Variants in ANKRD11 observed in about 807,000 individuals in gnomAD.
ANKRD11 encodes the protein ankyrin repeat domain 11.
ANKRD11 carries 17 observed loss-of-function variants against 195.7 expected under a neutral mutation model. The ratio of observed to expected loss-of-function variants is 0.09; its 90% confidence interval spans 0.06 to 0.13. The LOEUF (loss-of-function observed/expected upper bound fraction) is 0.13, where lower values mean the gene tolerates loss of function less well. Ranked by LOEUF, ANKRD11 falls within the 10% of genes least tolerant of loss-of-function variation. The probability of loss-of-function intolerance (pLI) is 1.00; values close to 1 mark genes in which losing one functional copy is unlikely to be tolerated. For synonymous variants in ANKRD11, 1,953 were observed against 1,528.1 expected, an observed-to-expected ratio of 1.28 and a Z score of -6.49; for missense variants, 3,735 against 3,566.1, an observed-to-expected ratio of 1.05 and a Z score of -1.21.
At chr16:89,424,315 C>A (rs2042630789) in intron 1 of ANKRD11, among the ~76,000 whole-genome samples, 1 of 152,086 alleles carries the variant, frequency 6.6e-6, no homozygotes, top group African/African-American at 2.4e-5. Context: ...GTGGCGCATG[C>A]CTGTAATCCC....
chr16:89,313,727 G>A, intron 3 of ANKRD11: 4 of 583,482 alleles, frequency 6.9e-6, no homozygotes, highest in Non-Finnish European at 8.2e-6. Context: ...TCTGGCACTT[G>A]GGGCTCACTT....
At position 89,282,000 on chromosome 16, in the gene ANKRD11, G is replaced by T; in HGVS notation, c.4542C>A (p.Leu1514=). Residue 1514 remains leucine, a synonymous_variant, in exon 9 of 13, where the codon CTC becomes CTA. Transcript: ENST00000301030. This position sits in a 1 kb window ranked among gnomAD's most constrained non-coding sequence, Gnocchi z 5.5. ...GGCCCTCGTCCCTGGACTTGTCTTT[G>T]AGCACGCGGGGCGGGCTGTCCTTGT... ...TRDKDSPPRV[L]KDKSRDEGPR... 6.2e-7 allele frequency: 1 copy of T among 1,613,062 alleles called. No individual in the cohort carries two copies. The highest frequency in any genetic ancestry group is 1.1e-5 in the South Asian group (1 of 91,078).
chr16:89,449,198 A>G (rs555118333), intron 1 of ANKRD11, among the ~76,000 whole-genome samples: 35 of 151,934 alleles, frequency 2.3e-4, no homozygotes, highest in African/African-American at 7.2e-4. Flanking sequence ...AAAAAAAAAA[A>G]AAAAAAGAAA....
Position 89,270,737 on chromosome 16 carries a change from CA to C in ANKRD11, c.7806+79del, listed in dbSNP as rs5818705. The C allele has an allele frequency of 2.9e-3, 4,081 of 1,417,024 alleles. 106 individuals carry two copies. In the African/African-American group the frequency reaches 0.05, roughly 17 times the overall value. The allele number at this position is 1,417,024 out of a possible 1,614,324, so 87.8% of individuals were successfully genotyped here. ...GGCAGCGGCCTCCCCCCAGGCAGCGCAAAGGGGGTTGTCACCACCCATCACA... is the reference window on the plus strand; with the variant it reads ...GGCAGCGGCCTCCCCCCAGGCAGCGCAAGGGGGTTGTCACCACCCATCACA... On this transcript the variant is annotated intron_variant, in intron 12 of 12. Coordinates refer to ENST00000301030, the MANE Select transcript of ANKRD11 (RefSeq NM_013275.6).
intron 1 of ANKRD11, among the ~76,000 whole-genome samples, chr16:89,479,139 T>C (rs970873083): frequency 3.3e-5 from 5 of 151,906 alleles, no homozygotes; most frequent in African/African-American, 9.7e-5. Flanking sequence ...CGCCACCACC[T>C]ACCCCACAAC....
intron 2 of ANKRD11, among the ~76,000 whole-genome samples, chr16:89,374,380 T>C (rs2040328736): frequency 6.6e-6 from 1 of 151,920 alleles, no homozygotes; most frequent in African/African-American, 2.4e-5. Flanking sequence ...CCTGTTTACA[T>C]AAAATCTATG....
rs71134220 is a variant in ANKRD11, at chr16:89,415,829, C to CAAAAAAAAAAAAAAAA, written c.-60+2439_-60+2454dup. ...TGCACAACAAAGCTAGACTCTGTCTCAAAAAAAAAAAAAAAAAAAAACAAT... is the reference window on the plus strand; with the variant it reads ...TGCACAACAAAGCTAGACTCTGTCTCAAAAAAAAAAAAAAAAAAAAAAAAAAAAAAAAAAAAACAAT... On this transcript the variant is annotated intron_variant, in intron 2 of 12. Coordinates refer to ENST00000301030, the MANE Select transcript of ANKRD11 (RefSeq NM_013275.6). 8.1e-3 allele frequency among the ~76,000 whole-genome samples: 320 copies of CAAAAAAAAAAAAAAAA among 39,662 alleles called. 10 individuals are homozygous for CAAAAAAAAAAAAAAAA. Among genetic ancestry groups the CAAAAAAAAAAAAAAAA allele is most frequent in the Middle Eastern group, 0.045 (2 of 44 alleles). The allele number at this position is 39,662 out of a possible 152,430, so 26.0% of individuals were successfully genotyped here.
chr16:89,423,372 G>C (rs1228211344), intron 1 of ANKRD11, among the ~76,000 whole-genome samples: 5 of 152,256 alleles, frequency 3.3e-5, no homozygotes, highest in Non-Finnish European at 5.9e-5. Flanking sequence ...AGTCACACCA[G>C]CCTGTCTCAG....
Position 89,381,174 on chromosome 16 carries a change from T to C in ANKRD11, c.-60+37110A>G, listed in dbSNP as rs148310071. On this transcript the variant is annotated intron_variant, in intron 2 of 12. Transcript: ENST00000301030. ...CCTATTTCTACTGAAAATTAAAAAA[T>C]AAAAATAATAAGCTGGGCATGGTGG... 4.3e-3 allele frequency among the ~76,000 whole-genome samples: 647 copies of C among 151,534 alleles called. 5 individuals carry two copies. The highest frequency in any genetic ancestry group is 6.2e-3 in the Non-Finnish European group (419 of 67,884).
intron 2 of ANKRD11, among the ~76,000 whole-genome samples, chr16:89,334,778 C>T (rs1597688062): frequency 6.6e-6 from 1 of 152,112 alleles, no homozygotes; most frequent in African/African-American, 2.4e-5. Flanking sequence ...GCAAAAAGCC[C>T]ACCCACGTGT....
intron 2 of ANKRD11, among the ~76,000 whole-genome samples, chr16:89,334,245 C>A (rs1013760708): frequency 6.6e-6 from 1 of 151,426 alleles, no homozygotes; most frequent in African/African-American, 2.4e-5. Context: ...TGATGCCTGG[C>A]CTAGCCCTCA....
intron 2 of ANKRD11, among the ~76,000 whole-genome samples, chr16:89,356,959 C>G (rs1224587399): frequency 6.6e-6 from 1 of 152,220 alleles, no homozygotes; most frequent in Non-Finnish European, 1.5e-5. Flanking sequence ...CCCAAGTGAC[C>G]TGTGACCATC....
intron 2 of ANKRD11, among the ~76,000 whole-genome samples, chr16:89,379,975 C>A (rs1264758401): frequency 1.3e-5 from 2 of 152,208 alleles, no homozygotes; most frequent in African/African-American, 4.8e-5. Context: ...ATTTACCAAA[C>A]ACTATTTTCT....
chr16:89,293,135 C>T lies in ANKRD11; in HGVS notation c.227-1952G>A, dbSNP rs75834120. Among the ~76,000 whole-genome samples the T allele has an allele frequency of 3.3e-4, 51 of 152,316 alleles. 1 individual carries two copies. Among genetic ancestry groups the T allele is most frequent in the African/African-American group, 1.1e-3 (45 of 41,564 alleles). On this transcript the variant is annotated intron_variant, in intron 4 of 12. Coordinates refer to ENST00000301030, the MANE Select transcript of ANKRD11 (RefSeq NM_013275.6). The stretch of plus-strand genomic sequence containing the variant: ...CTCTGCAGGGCCCTGATCCCCAAGA[C>T]CTAGCCACGCACATTCAGAGGCCTG...
At chr16:89,423,635 G>A (rs2042602385) in intron 1 of ANKRD11, among the ~76,000 whole-genome samples, 1 of 152,326 alleles carries the variant, frequency 6.6e-6, no homozygotes, top group Non-Finnish European at 1.5e-5. Flanking sequence ...TCAAACATGT[G>A]AGCCCACCAT....
intron 1 of ANKRD11, among the ~76,000 whole-genome samples, chr16:89,428,994 A>T (rs2042850801): frequency 6.6e-6 from 1 of 152,210 alleles, no homozygotes; most frequent in African/African-American, 2.4e-5. Context: ...ACAGCCCAAC[A>T]TCTAAGATGC....
At chr16:89,317,795 T>C (rs903675661) in intron 2 of ANKRD11, among the ~76,000 whole-genome samples, 1 of 152,186 alleles carries the variant, frequency 6.6e-6, no homozygotes, top group Non-Finnish European at 1.5e-5. Flanking sequence ...TTAGGAAATT[T>C]TGCCATCTTA....
intron 2 of ANKRD11, among the ~76,000 whole-genome samples, chr16:89,366,568 G>C (rs144766541): frequency 1.3e-5 from 2 of 152,266 alleles, no homozygotes; most frequent in African/African-American, 2.4e-5. Flanking sequence ...CAGTTTTCAC[G>C]ATCAGCTGGT....
In ANKRD11 at chr16:89,301,007, G is replaced by A. The variant is rs985091049; in HGVS notation, c.226+4199C>T. 8.0e-6 allele frequency: 5 copies of A among 627,402 alleles called. No homozygotes were observed. In the African/African-American group the frequency reaches 9.2e-5, roughly 12 times the overall value. 38.9% of individuals were successfully genotyped at this position (627,402 alleles called of 1,614,324 possible). Reference sequence around the variant, plus strand: ...ACTCAGGGTCACAGACGAAGGCGCAGGAGAAACAGCGGGGCAGGAGGCTCC... The same window carrying A: ...ACTCAGGGTCACAGACGAAGGCGCAAGAGAAACAGCGGGGCAGGAGGCTCC... On this transcript the variant is annotated intron_variant, in intron 4 of 12. Transcript: ENST00000301030.
Sources: gnomAD v4.1 joint callset for allele counts (sites outside exome capture counted in the v4.1 genomes callset) on GRCh38, gnomAD v4.1.1 for gene constraint, Gnocchi (gnomAD v3.1) non-coding constraint, MANE v1.5 for transcripts, NCBI Gene and HGNC (gene_info 2026-07-23, HGNC 2026-07-21) for gene names.